The following USP40 variants were observed in gnomAD, a reference collection of about 807,000 sequenced individuals.
USP40 encodes ubiquitin specific peptidase 40, also known as ubiquitin carboxyl-terminal hydrolase 40.
A neutral mutation model predicts 166.2 loss-of-function variants in USP40; 143 were observed. The ratio of observed to expected loss-of-function variants is 0.86; its 90% confidence interval spans 0.75 to 0.99. The LOEUF (loss-of-function observed/expected upper bound fraction) is 0.99, where lower values mean the gene tolerates loss of function less well. Ranked by LOEUF, USP40 falls within the 50% of genes least tolerant of loss-of-function variation. USP40 has a pLI of 0.00. For missense variants in USP40, 1,444 were observed against 1,479.7 expected, an observed-to-expected ratio of 0.98 and a Z score of 0.40; for synonymous variants, 498 against 524.0, an observed-to-expected ratio of 0.95 and a Z score of 0.68.
rs990786200 is a variant in USP40, at chr2:233,562,600, G to A, written c.267+136C>T. 1.3e-4 allele frequency: 53 copies of A among 405,116 alleles called. 2 individuals are homozygous for A. The highest frequency in any genetic ancestry group is 1.3e-4 in the Admixed American group (3 of 23,410). 25.1% of individuals were successfully genotyped at this position (405,116 alleles called of 1,614,324 possible). A position where few individuals can be genotyped will look rare whatever the true frequency, so the allele number is the denominator to read the frequency against. On this transcript the variant is annotated intron_variant, in intron 3 of 31. Transcript: ENST00000678225. ...GGAGGGGGGAGGGATAGCATTGGGAGGTATACCTAATGCTAGATGATGAGT... is the reference window on the plus strand; with the variant it reads ...GGAGGGGGGAGGGATAGCATTGGGAAGTATACCTAATGCTAGATGATGAGT...
chr2:233,550,452 CA>C (rs1453215652), intron 7 of USP40, among the ~76,000 whole-genome samples: 4 of 151,398 alleles, frequency 2.6e-5, no homozygotes, highest in African/African-American at 9.7e-5. Context: ...ATAATAGCCT[CA>C]GGGGCAACAG....
chr2:233,488,359 A>G, intron 27 of USP40, 55 bp from the exon 28 acceptor site: 1 of 1,478,850 alleles, frequency 6.8e-7, no homozygotes, highest in South Asian at 1.3e-5. Context: ...AATTTTCTTG[A>G]ATTTTTTTTC....
chr2:233,519,576 G>GCTAA, intron 18 of USP40, 38 bp downstream of exon 18: 1 of 1,355,050 alleles, frequency 7.4e-7, no homozygotes, highest in African/African-American at 1.5e-5. Flanking sequence ...CCAAAATTAA[G>GCTAA]CTAAACTAAG....
At chr2:233,531,380 C>G (rs114490809) in intron 11 of USP40, among the ~76,000 whole-genome samples, 15 of 152,234 alleles carry the variant, frequency 9.9e-5, no homozygotes, top group Non-Finnish European at 2.2e-4. Flanking sequence ...TAAATTCTAT[C>G]CCTTCATTCC....
intron 21 of USP40, among the ~76,000 whole-genome samples, chr2:233,507,265 T>C (rs1403931364): frequency 6.6e-6 from 1 of 152,198 alleles, no homozygotes; most frequent in Non-Finnish European, 1.5e-5. Context: ...ACAGTACAGA[T>C]GTTCCTCACA....
At chr2:233,485,451 A>T in intron 30 of USP40, 80 bp downstream of exon 30, 1 of 1,083,926 alleles carries the variant, frequency 9.2e-7, no homozygotes, top group Non-Finnish European at 1.4e-6. Flanking sequence ...TGTGTCTTGA[A>T]GATTCAATAA....
In USP40 at chr2:233,493,492, C is replaced by T; in HGVS notation, c.2850G>A (p.Glu950=). Residue 950 remains glutamate (E), a synonymous_variant, in exon 25 of 32, where the codon GAG becomes GAA. Transcript: ENST00000678225. This position sits in a 1 kb window ranked among gnomAD's most constrained non-coding sequence, Gnocchi z 4.7. ...TACAGTTGGTCTGGTCCTGATGACT[C>T]TCCCAGTGTCCTGAGGGACCCTGAA... ...YQLQGPSGHW[E]SHQDQTNCTS... 6.2e-7 allele frequency: 1 copy of T among 1,613,860 alleles called. No individual in the cohort carries two copies. The highest frequency in any genetic ancestry group is 8.5e-7 in the Non-Finnish European group (1 of 1,179,846).
chr2:233,477,121 CT>C lies in USP40; in HGVS notation c.*270del. On this transcript the variant is annotated 3_prime_UTR_variant, in exon 32 of 32. Transcript: ENST00000678225. ...CTGGTTAAAAGAAAAAAAAAGGCAGCTGGGGCCGGGTGCTGTGTGAGAGAGC... is the reference window on the plus strand; with the variant it reads ...CTGGTTAAAAGAAAAAAAAAGGCAGCGGGGCCGGGTGCTGTGTGAGAGAGC... 2.1e-6 allele frequency: 1 copy of C among 471,336 alleles called. No homozygotes were observed. Among genetic ancestry groups the C allele is most frequent in the Non-Finnish European group, 3.9e-6 (1 of 255,242 alleles). The allele number at this position is 471,336 out of a possible 1,614,324, so 29.2% of individuals were successfully genotyped here.
rs11332355 is a variant in USP40 at position 233,533,791 on chromosome 2, CAA to C, written c.1171-14_1171-13del. On this transcript the variant is annotated splice_polypyrimidine_tract_variant and intron_variant, in intron 10 of 31. Coordinates refer to ENST00000678225, the MANE Select transcript of USP40 (RefSeq NM_001365479.2). ...TGGAGCTGTAAGAACTACACAGAAA[CAA>C]AAAAAAAAATGCTAAGTTAATTATT... 8,640 of 1,280,224 alleles carry C rather than the reference CAA, an allele frequency of 6.7e-3. 108 individuals carry two copies. In the East Asian group the frequency reaches 0.075, roughly 11 times the overall value. 79.3% of individuals were successfully genotyped at this position (1,280,224 alleles called of 1,614,324 possible). A position where few individuals can be genotyped will look rare whatever the true frequency, so the allele number is the denominator to read the frequency against.
intron 21 of USP40, among the ~76,000 whole-genome samples, chr2:233,503,535 G>C (rs923765343): frequency 3.3e-5 from 5 of 152,046 alleles, no homozygotes; most frequent in Non-Finnish European, 7.4e-5. Context: ...CAAGATAAAA[G>C]CATTAAGTCA....
chr2:233,550,401 T>C (rs1019816012), intron 7 of USP40, among the ~76,000 whole-genome samples: 2 of 152,052 alleles, frequency 1.3e-5, no homozygotes, highest in African/African-American at 4.8e-5. Flanking sequence ...GAAACAATTA[T>C]ATTAACTAAC....
intron 25 of USP40, chr2:233,492,998 A>G (rs2065446081): frequency 5.1e-6 from 1 of 196,220 alleles, no homozygotes; most frequent in Admixed American, 5.3e-5. Flanking sequence ...GCAGTTCCTG[A>G]GGGTTTTGAG....
chr2:233,513,557 G>A (rs2066976824), intron 18 of USP40, among the ~76,000 whole-genome samples: 1 of 152,122 alleles, frequency 6.6e-6, no homozygotes, highest in Non-Finnish European at 1.5e-5. Context: ...TTCAGTTACA[G>A]TTAATATACC....
In USP40 at chr2:233,521,115, C is replaced by T. The variant is rs375815235; in HGVS notation, c.2202-1G>A. On this transcript the variant is annotated splice_acceptor_variant, in intron 16 of 31. Transcript: ENST00000678225. LOFTEE classifies it high-confidence loss of function. ...CCATTTCTCTTCCTTGGTCAACAAG[C>T]TGTAGGTAAAAAGAAAAGATCAGAA... The T allele has an allele frequency of 1.4e-5, 22 of 1,607,504 alleles. No homozygotes were observed. In the African/African-American group the frequency reaches 2.8e-4, roughly 21 times the overall value.
Position 233,477,106 on chromosome 2 carries a change from GAAAA to G in USP40, c.*282_*285del, listed in dbSNP as rs959207850. On this transcript the variant is annotated 3_prime_UTR_variant, in exon 32 of 32. Coordinates refer to ENST00000678225, the MANE Select transcript of USP40 (RefSeq NM_001365479.2). ...CACGTTGTGCATTTTCTGGTTAAAAGAAAAAAAAAGGCAGCTGGGGCCGGGTGCT... is the reference window on the plus strand; with the variant it reads ...CACGTTGTGCATTTTCTGGTTAAAAGAAAAAGGCAGCTGGGGCCGGGTGCT... The G allele has an allele frequency of 1.4e-5, 6 of 426,426 alleles. No homozygotes were observed. The highest frequency in any genetic ancestry group is 3.5e-5 in the Admixed American group (1 of 28,320). The allele number at this position is 426,426 out of a possible 1,614,324, so 26.4% of individuals were successfully genotyped here. A position where few individuals can be genotyped will look rare whatever the true frequency, so the allele number is the denominator to read the frequency against.
intron 24 of USP40, among the ~76,000 whole-genome samples, chr2:233,494,957 TATATA>T (rs2065631256): frequency 0.031 from 442 of 14,412 alleles, 21 homozygotes; most frequent in African/African-American, 0.15. Flanking sequence ...TATATATATT[TATATA>T]TATATATATA....
rs543368394 is a variant in USP40, at chr2:233,476,037, C to G, written c.*1355G>C. 6.6e-6 allele frequency: 1 copy of G among 152,480 alleles called. No individual in the cohort carries two copies. The highest frequency in any genetic ancestry group is 2.1e-4 in the South Asian group (1 of 4,826). 9.4% of individuals were successfully genotyped at this position (152,480 alleles called of 1,614,324 possible). ...CTTAGGGCGCAGTGCTTCACGGAAA[C>G]GCACAGACGTCTATGGCAGACGCTC... On this transcript the variant is annotated 3_prime_UTR_variant, in exon 32 of 32. Coordinates refer to ENST00000678225, the MANE Select transcript of USP40 (RefSeq NM_001365479.2).
intron 24 of USP40, among the ~76,000 whole-genome samples, chr2:233,494,076 T>G (rs758074365): frequency 6.6e-6 from 1 of 152,236 alleles, no homozygotes. Flanking sequence ...TATTAAGAGA[T>G]AAAAGGTGCT....
intron 19 of USP40, 138 bp from the exon 20 acceptor site, chr2:233,511,935 A>G (rs2066870976): frequency 1.6e-6 from 1 of 632,748 alleles, no homozygotes; most frequent in Non-Finnish European, 2.6e-6. Flanking sequence ...AGACAAAAGG[A>G]TTACATGCAC....
Sources: gnomAD v4.1 joint callset for allele counts (sites outside exome capture counted in the v4.1 genomes callset) on GRCh38, gnomAD v4.1.1 for gene constraint, Gnocchi (gnomAD v3.1) non-coding constraint, MANE v1.5 for transcripts, NCBI Gene and HGNC (gene_info 2026-07-23, HGNC 2026-07-21) for gene names.